Variants in ODAD2 observed in about 807,000 individuals in gnomAD.
The protein encoded by ODAD2 is outer dynein arm-docking complex subunit 2.
In ODAD2, 89 loss-of-function variants were observed where a neutral mutation model predicts 106.8. That is an observed-to-expected ratio of 0.83 (90% CI 0.70 to 0.99). The LOEUF (loss-of-function observed/expected upper bound fraction) is 0.99. ODAD2 is among the 50% of genes least tolerant of loss of function. ODAD2 has a pLI of 0.00. For synonymous variants in ODAD2, 404 were observed against 436.2 expected, an observed-to-expected ratio of 0.93 and a Z score of 0.92; for missense variants, 1,168 against 1,238.5, an observed-to-expected ratio of 0.94 and a Z score of 0.85.
rs554574998 is a variant in ODAD2 at position 27,955,112 on chromosome 10, A to G, written c.1386+6456T>C. Reference sequence around the variant, plus strand: ...AACTTAAAGAATGTTTCTCAGGAACATGGTACTCATTTGCCTTTCTAACTA... The same window carrying G: ...AACTTAAAGAATGTTTCTCAGGAACGTGGTACTCATTTGCCTTTCTAACTA... On this transcript the variant is annotated intron_variant, in intron 10 of 19. Transcript: ENST00000305242. Among the ~76,000 whole-genome samples, 14 of 152,354 alleles carry G rather than the reference A, an allele frequency of 9.2e-5. No individual in the cohort carries two copies. In the South Asian group the frequency reaches 2.7e-3, roughly 29 times the overall value.
At chr10:27,980,693 G>C (rs939990776) in intron 7 of ODAD2, among the ~76,000 whole-genome samples, 39 of 152,294 alleles carry the variant, frequency 2.6e-4, no homozygotes, top group Admixed American at 1.3e-4. Flanking sequence ...TAACAAGGAT[G>C]TGAAGAAAGT....
At chr10:27,934,596 T>A (rs937244313) in intron 16 of ODAD2, among the ~76,000 whole-genome samples, 2 of 152,046 alleles carry the variant, frequency 1.3e-5, no homozygotes, top group African/African-American at 4.8e-5. Flanking sequence ...CTTCCCCTCA[T>A]CAGTTCACAG....
At chr10:27,932,948 T>C (rs939538801) in intron 16 of ODAD2, among the ~76,000 whole-genome samples, 1 of 152,128 alleles carries the variant, frequency 6.6e-6, no homozygotes, top group Non-Finnish European at 1.5e-5. Context: ...AATAAATATG[T>C]GTTTAATGTA....
At chr10:27,885,587 A>T (rs1160299525) in intron 17 of ODAD2, among the ~76,000 whole-genome samples, 4 of 77,814 alleles carry the variant, frequency 5.1e-5, no homozygotes, top group Non-Finnish European at 7.0e-5. Flanking sequence ...TAAATATATA[A>T]ATATAAATAT....
intron 16 of ODAD2, among the ~76,000 whole-genome samples, chr10:27,919,089 G>C (rs1844595808): frequency 6.6e-6 from 1 of 151,840 alleles, no homozygotes; most frequent in Non-Finnish European, 1.5e-5. Context: ...TGGATTGGCA[G>C]TCTCAATATC....
intron 16 of ODAD2, among the ~76,000 whole-genome samples, chr10:27,924,371 G>A (rs1055397922): frequency 7.3e-5 from 11 of 150,848 alleles, no homozygotes; most frequent in Non-Finnish European, 1.6e-4. Context: ...AAATTACAGG[G>A]TACATTTAAA....
intron 1 of ODAD2, 81 bp from the exon 2 acceptor site, chr10:27,995,261 A>C (rs566086433): frequency 7.3e-7 from 1 of 1,367,434 alleles, no homozygotes; most frequent in East Asian, 2.5e-5. Context: ...ACTTTAAACT[A>C]GTACTCCCCA....
chr10:27,965,575 A>G (rs1443517971), intron 9 of ODAD2, among the ~76,000 whole-genome samples: 1 of 152,176 alleles, frequency 6.6e-6, no homozygotes, highest in Admixed American at 6.5e-5. Flanking sequence ...CATTTAGAGT[A>G]GTGTCCATGG....
intron 4 of ODAD2, 151 bp downstream of exon 4, chr10:27,984,868 T>G (rs1249687499): frequency 2.7e-6 from 1 of 365,236 alleles, no homozygotes; most frequent in East Asian, 4.8e-5. Context: ...TTTTAAAGGT[T>G]CCTTTTTAAT....
intron 16 of ODAD2, among the ~76,000 whole-genome samples, chr10:27,931,037 T>A (rs1845582465): frequency 1.3e-5 from 2 of 152,160 alleles, no homozygotes; most frequent in African/African-American, 4.8e-5. Flanking sequence ...TTCTGATGCC[T>A]CATAATGCAA....
intron 16 of ODAD2, among the ~76,000 whole-genome samples, chr10:27,915,318 T>C (rs1844282717): frequency 6.6e-6 from 1 of 152,144 alleles, no homozygotes; most frequent in South Asian, 2.1e-4. Flanking sequence ...TTCTGGAGGC[T>C]GGGAAGTCAA....
rs376281682 is a variant in ODAD2 at position 27,907,766 on chromosome 10, C to T, written c.2507G>A (p.Arg836His). The change falls in exon 17 of 20, where the codon CGC becomes CAC. Residue 836 changes from arginine to histidine, a missense_variant. By Grantham distance (29) the Arg-to-His change is conservative. Transcript: ENST00000305242. ...CCACAACAAACGAACTCCATCTAAG[C>T]GATCAATTATCCTATCGTGGAACCC... ...VEPESMMIID[R>H]LDGVRLLWSL... 8.1e-6 allele frequency: 13 copies of T among 1,612,626 alleles called. No homozygotes were observed. Among genetic ancestry groups the T allele is most frequent in the African/African-American group, 6.7e-5 (5 of 74,890 alleles).
intron 1 of ODAD2, chr10:27,995,682 G>A (rs922532042): frequency 1.4e-4 from 21 of 152,844 alleles, no homozygotes; most frequent in African/African-American, 4.8e-4. Flanking sequence ...AATGATGACT[G>A]AAGAACATGA....
chr10:27,905,911 A>C (rs1428455868), intron 17 of ODAD2, among the ~76,000 whole-genome samples: 1 of 152,190 alleles, frequency 6.6e-6, no homozygotes, highest in Non-Finnish European at 1.5e-5. Context: ...AACCATAAAA[A>C]CCCTGGAAGA....
At chr10:27,875,668 C>T (rs1808693621) in intron 17 of ODAD2, among the ~76,000 whole-genome samples, 1 of 152,174 alleles carries the variant, frequency 6.6e-6, no homozygotes, top group Admixed American at 6.5e-5. Context: ...GTACCAGGTT[C>T]ATCTCACTGA....
chr10:27,940,366 T>C (rs1210549250), intron 13 of ODAD2, among the ~76,000 whole-genome samples, 197 bp downstream of exon 13: 6 of 152,094 alleles, frequency 3.9e-5, no homozygotes, highest in Admixed American at 3.9e-4. Flanking sequence ...GTGAGATATA[T>C]ATATATACAT....
intron 8 of ODAD2, among the ~76,000 whole-genome samples, chr10:27,969,597 GAATC>G (rs1355131372): frequency 6.6e-6 from 1 of 152,244 alleles, no homozygotes; most frequent in Non-Finnish European, 1.5e-5. Flanking sequence ...AAATTGATGA[GAATC>G]AATCAGAGGA....
intron 19 of ODAD2, among the ~76,000 whole-genome samples, chr10:27,836,655 C>A (rs1165740655): frequency 6.6e-6 from 1 of 152,092 alleles, no homozygotes; most frequent in Non-Finnish European, 1.5e-5. Flanking sequence ...GGGTTCTTAC[C>A]TTTATGGTTG....
At chr10:27,844,098 C>T (rs764448983) in intron 19 of ODAD2, among the ~76,000 whole-genome samples, 3 of 151,860 alleles carry the variant, frequency 2.0e-5, no homozygotes, top group African/African-American at 4.8e-5. Context: ...CTGGGGAGGC[C>T]GAGGCAGACA....
Sources: allele counts gnomAD v4.1 joint callset (sites outside exome capture counted in the v4.1 genomes callset), GRCh38; gene constraint gnomAD v4.1.1; transcripts MANE v1.5; gene names NCBI Gene and HGNC (gene_info 2026-07-23, HGNC 2026-07-21).